COL21A1: variants seen among roughly 807,000 people sequenced by gnomAD.
The protein encoded by COL21A1 is collagen alpha-1(XXI) chain.
Under a neutral mutation model 137.9 loss-of-function variants are expected in COL21A1, and 149 were observed. That is an observed-to-expected ratio of 1.08 (90% confidence interval 0.95 to 1.24). COL21A1 has a LOEUF of 1.24. Ranked by LOEUF, COL21A1 falls within the 50% of genes most tolerant of loss-of-function variation. The pLI is 0.00. For synonymous variants in COL21A1, 456 were observed against 391.5 expected, an observed-to-expected ratio of 1.16 and a Z score of -1.95; for missense variants, 1,167 against 1,158.4, an observed-to-expected ratio of 1.01 and a Z score of -0.11.
chr6:56,240,798 G>T (rs1032337458), intron 1 of COL21A1, among the ~76,000 whole-genome samples: 1 of 152,126 alleles, frequency 6.6e-6, no homozygotes, highest in South Asian at 2.1e-4. Flanking sequence ...CCCAGCCCAG[G>T]GTCTTCTTGG....
intron 1 of COL21A1, among the ~76,000 whole-genome samples, chr6:56,233,951 G>C (rs185524409): frequency 6.6e-6 from 1 of 151,900 alleles, no homozygotes; most frequent in African/African-American, 2.4e-5. Flanking sequence ...ATATGTTTTA[G>C]TTAATACGTA....
chr6:56,066,579 T>G (rs1766269690), intron 23 of COL21A1, among the ~76,000 whole-genome samples: 1 of 151,858 alleles, frequency 6.6e-6, no homozygotes, highest in Non-Finnish European at 1.5e-5. Flanking sequence ...AGTTTTATAT[T>G]TCTAAAACTT....
intron 1 of COL21A1, among the ~76,000 whole-genome samples, chr6:56,281,878 T>G (rs879804907): frequency 6.6e-6 from 1 of 152,192 alleles, no homozygotes; most frequent in Admixed American, 6.5e-5. Flanking sequence ...GAAGAAGTTG[T>G]GTCATAAGAA....
intron 5 of COL21A1, among the ~76,000 whole-genome samples, chr6:56,169,435 G>T (rs1776851270): frequency 6.6e-6 from 1 of 151,932 alleles, no homozygotes; most frequent in African/African-American, 2.4e-5. Context: ...CTATGGTCAA[G>T]ACCTTTTGAT....
intron 27 of COL21A1, 70 bp from the exon 28 acceptor site, chr6:56,060,288 T>A: frequency 7.6e-7 from 1 of 1,318,660 alleles, no homozygotes; most frequent in Non-Finnish European, 1.0e-6. Flanking sequence ...ATTTTTAATT[T>A]TTTTCAGTTT....
At position 56,314,132 on chromosome 6, in the gene COL21A1, G is replaced by A. The variant is rs569275406; in HGVS notation, c.-39+79839C>T. ...CCCAAGTAGCTGGGACTACAGGCAC[G>A]CACCACCACCCCTGGCTGATTTTTT... On this transcript the variant is annotated intron_variant, in intron 1 of 28. Transcript: ENST00000370819. Among the ~76,000 whole-genome samples the A allele has an allele frequency of 1.8e-3, 268 of 152,050 alleles. 3 individuals carry two copies. The highest frequency in any genetic ancestry group is 3.8e-4 in the Non-Finnish European group (26 of 67,980).
intron 1 of COL21A1, among the ~76,000 whole-genome samples, chr6:56,197,609 C>T (rs1022514578): frequency 6.6e-6 from 1 of 152,032 alleles, no homozygotes; most frequent in African/African-American, 2.4e-5. Context: ...AGATGTTCAA[C>T]ATCACTACAT....
intron 17 of COL21A1, among the ~76,000 whole-genome samples, chr6:56,098,172 G>T (rs1472729636): frequency 3.3e-3 from 8 of 2,440 alleles, no homozygotes; most frequent in African/African-American, 4.7e-3. Flanking sequence ...TATATAAATA[G>T]ATATATAAAT....
At chr6:56,229,902 A>C (rs1454584090) in intron 1 of COL21A1, among the ~76,000 whole-genome samples, 2 of 151,862 alleles carry the variant, frequency 1.3e-5, no homozygotes, top group Non-Finnish European at 2.9e-5. Context: ...GCAACAAAAA[A>C]CTGGAGGGAT....
rs148538291 is a variant in COL21A1 at position 56,238,355 on chromosome 6, A to G, written c.-39+9032T>C. ...AATTGATGCATATCTATACTGTTAC[A>G]GCAAATCTGGACTGCAGAAGCATGA... On this transcript the variant is annotated intron_variant, in intron 1 of 29. Transcript: ENST00000244728. 3.9e-3 allele frequency among the ~76,000 whole-genome samples: 595 copies of G among 151,584 alleles called. 4 individuals are homozygous for G. Among genetic ancestry groups the G allele is most frequent in the African/African-American group, 0.014 (559 of 41,284 alleles).
At chr6:56,276,144 C>T (rs1562035822) in intron 1 of COL21A1, among the ~76,000 whole-genome samples, 1 of 152,112 alleles carries the variant, frequency 6.6e-6, no homozygotes, top group Non-Finnish European at 1.5e-5. Context: ...CACATGTTCT[C>T]ACGTATAAGT....
chr6:56,281,446 C>T (rs962662817), intron 1 of COL21A1, among the ~76,000 whole-genome samples: 1 of 152,036 alleles, frequency 6.6e-6, no homozygotes, highest in African/African-American at 2.4e-5. Flanking sequence ...GGGCATCACC[C>T]CAACCACCAC....
intron 7 of COL21A1, among the ~76,000 whole-genome samples, chr6:56,166,411 G>A (rs182363369): frequency 1.8e-3 from 270 of 152,224 alleles, no homozygotes; most frequent in Non-Finnish European, 3.2e-3. Context: ...CAGCACTTTA[G>A]AGGGCTTAGG....
chr6:56,265,319 T>C (rs866189842), intron 1 of COL21A1, among the ~76,000 whole-genome samples: 18 of 152,196 alleles, frequency 1.2e-4, no homozygotes, highest in African/African-American at 4.1e-4. Context: ...CATACATGTT[T>C]ATCATGAGGA....
chr6:56,354,625 T>C (rs1295547192), intron 1 of COL21A1, among the ~76,000 whole-genome samples: 1 of 152,174 alleles, frequency 6.6e-6, no homozygotes, highest in Non-Finnish European at 1.5e-5. Flanking sequence ...CTCATGCCTG[T>C]AATCCCAGCA....
At chr6:56,200,128 G>C (rs1287055352) in intron 1 of COL21A1, among the ~76,000 whole-genome samples, 2 of 152,106 alleles carry the variant, frequency 1.3e-5, no homozygotes, top group Non-Finnish European at 2.9e-5. Context: ...GAGTAAGTTT[G>C]GTTTGTCCCA....
chr6:56,279,357 G>A (rs1449581918), intron 1 of COL21A1, among the ~76,000 whole-genome samples: 1 of 152,180 alleles, frequency 6.6e-6, no homozygotes, highest in Non-Finnish European at 1.5e-5. Context: ...AAATTATCCA[G>A]TCTCAGGTAT....
Position 56,126,052 on chromosome 6 carries a change from A to T in COL21A1, c.1596+44T>A, listed in dbSNP as rs762882601. 9.1e-6 allele frequency: 11 copies of T among 1,212,982 alleles called. No individual in the cohort carries two copies. In the South Asian group the frequency reaches 1.0e-4, roughly 12 times the overall value. 75.1% of individuals were successfully genotyped at this position (1,212,982 alleles called of 1,614,324 possible). ...TATAAAAGTACTTTATATTTGAATT[A>T]AAAAATGGCTTTGCTATATTTAAAA... is the stretch of plus-strand genomic sequence containing the variant. On this transcript the variant is annotated intron_variant, in intron 13 of 29. Transcript: ENST00000244728.
At chr6:56,060,398 T>A in intron 27 of COL21A1, 180 bp from the exon 28 acceptor site, 2 of 583,354 alleles carry the variant, frequency 3.4e-6, no homozygotes, top group Non-Finnish European at 5.8e-6. Context: ...CTCTGTGCGG[T>A]AATTTTATTA....
Sources: allele counts gnomAD v4.1 joint callset (sites outside exome capture counted in the v4.1 genomes callset), GRCh38; gene constraint gnomAD v4.1.1; transcripts MANE v1.5; gene names NCBI Gene and HGNC (gene_info 2026-07-23, HGNC 2026-07-21).